The following ENTPD1 variants were observed in gnomAD, a reference collection of about 807,000 sequenced individuals.
ENTPD1 encodes ATP diphosphohydrolase.
ENTPD1 carries 33 observed loss-of-function variants against 57.0 expected under a neutral mutation model. The observed-to-expected ratio is 0.58, with a 90% CI of 0.44 to 0.77. The LOEUF (loss-of-function observed/expected upper bound fraction) is 0.77, where lower values mean the gene tolerates loss of function less well. Among genes scored for constraint, ENTPD1 ranks in the 30% least tolerant of loss-of-function variants. The pLI is 0.00. For synonymous variants in ENTPD1, 202 were observed against 218.8 expected (o/e 0.92, Z 0.68); for missense variants, 501 against 603.4 (o/e 0.83, Z 1.78).
intron 1 of ENTPD1, among the ~76,000 whole-genome samples, chr10:95,765,501 T>A (rs2098085174): frequency 6.6e-6 from 1 of 152,220 alleles, no homozygotes; most frequent in African/African-American, 2.4e-5. Context: ...TTCCCATAAG[T>A]GTGAGCGTTT....
At chr10:95,723,337 C>G (rs376831444) in intron 1 of ENTPD1, among the ~76,000 whole-genome samples, 12 of 152,098 alleles carry the variant, frequency 7.9e-5, no homozygotes, top group African/African-American at 2.4e-4. Context: ...CTTTCTCTCT[C>G]TTTTCTCCTA....
Position 95,875,023 on chromosome 10 carries a change from G to C in ENTPD1, c.*8640G>C, listed in dbSNP as rs986884411. On this transcript the variant is annotated 3_prime_UTR_variant, in exon 10 of 10. Transcript: ENST00000371205. ...CTGGGCCTCTGGGCCTGTGATGGGA[G>C]GGGCTGCCATGAAGGTCTCTGACAT... 6.6e-6 allele frequency: 1 copy of C among 152,214 alleles called. No homozygotes were observed. The highest frequency in any genetic ancestry group is 6.5e-5 in the Admixed American group (1 of 15,284). The allele number at this position is 152,214 out of a possible 1,614,324, so 9.4% of individuals were successfully genotyped here.
chr10:95,806,283 C>T (rs985056776), intron 1 of ENTPD1, among the ~76,000 whole-genome samples: 12 of 152,180 alleles, frequency 7.9e-5, no homozygotes, highest in East Asian at 3.8e-4. Flanking sequence ...TTGATCGAAT[C>T]GGCTAATGAA....
intron 8 of ENTPD1, 95 bp from the exon 9 acceptor site, chr10:95,864,629 C>A (rs2098470856): frequency 6.4e-7 from 1 of 1,558,054 alleles, no homozygotes. Flanking sequence ...GGAGCTGGGG[C>A]TTTCCCCTCT....
Position 95,868,404 on chromosome 10 carries a change from A to C in ENTPD1, c.*2021A>C. 1.0e-6 allele frequency: 1 copy of C among 985,416 alleles called. No homozygotes were observed. Among genetic ancestry groups the C allele is most frequent in the Non-Finnish European group, 1.2e-6 (1 of 829,926 alleles). 61.0% of individuals were successfully genotyped at this position (985,416 alleles called of 1,614,324 possible). A position where few individuals can be genotyped will look rare whatever the true frequency, so the allele number is the denominator to read the frequency against. On this transcript the variant is annotated 3_prime_UTR_variant, in exon 10 of 10. Transcript: ENST00000371205. Reference sequence around the variant, plus strand: ...CATTCTGTTCATGTGCTTTGGATGGAAGCACATCTGGCATATGATGCTAAT... The same window carrying C: ...CATTCTGTTCATGTGCTTTGGATGGCAGCACATCTGGCATATGATGCTAAT...
chr10:95,811,411 C>G (rs1424072771), intron 1 of ENTPD1, among the ~76,000 whole-genome samples: 3 of 152,280 alleles, frequency 2.0e-5, no homozygotes, highest in Non-Finnish European at 4.4e-5. Context: ...TCATCTTTGC[C>G]ACTTTACTCT....
chr10:95,800,473 T>TGG (rs1218372053), intron 1 of ENTPD1, among the ~76,000 whole-genome samples: 2 of 152,150 alleles, frequency 1.3e-5, no homozygotes, highest in African/African-American at 2.4e-5. Flanking sequence ...AAACAGGGTT[T>TGG]GAGAGCAGAC....
chr10:95,847,086 T>C (rs7067762), intron 6 of ENTPD1, among the ~76,000 whole-genome samples: 75,464 of 151,928 alleles, frequency 0.5, 19,256 homozygotes, highest in Admixed American at 0.6. Flanking sequence ...GGAGAACTAC[T>C]CCCAGGCCCA....
At chr10:95,708,541 G>A (rs2097963452), upstream of ENTPD1, among the ~76,000 whole-genome samples, 2 of 152,114 alleles carry the variant, frequency 1.3e-5, no homozygotes, top group Non-Finnish European at 2.9e-5. Flanking sequence ...TAGCTATTCC[G>A]GAGAAATCCA....
rs1013633906 is a variant in ENTPD1, at chr10:95,867,250, AT to A, written c.*869del. On this transcript the variant is annotated 3_prime_UTR_variant, in exon 10 of 10. Transcript: ENST00000371205. ...ATATAATTCACCATTTTAACATTTA[AT>A]TCATATTAAATACGTACAAATCAGT... is the stretch of plus-strand genomic sequence containing the variant. 1 of 975,766 alleles carries A rather than the reference AT, an allele frequency of 1.0e-6. No homozygotes were observed. Among genetic ancestry groups the A allele is most frequent in the Non-Finnish European group, 1.2e-6 (1 of 821,230 alleles). 60.4% of individuals were successfully genotyped at this position (975,766 alleles called of 1,614,324 possible).
chr10:95,876,397 T>C lies in ENTPD1; in HGVS notation c.*10014T>C, dbSNP rs1342530361. On this transcript the variant is annotated 3_prime_UTR_variant, in exon 10 of 10. Transcript: ENST00000371205. ...ACCAATTCTAAGTTTTTCTTGATGGTAAATCATAATGTTCCCTTTCTCCTC... is the reference window on the plus strand; with the variant it reads ...ACCAATTCTAAGTTTTTCTTGATGGCAAATCATAATGTTCCCTTTCTCCTC... The C allele has an allele frequency of 8.9e-6, 11 of 1,231,278 alleles. No homozygotes were observed. Among genetic ancestry groups the C allele is most frequent in the African/African-American group, 3.1e-5 (2 of 64,412 alleles). 76.3% of individuals were successfully genotyped at this position (1,231,278 alleles called of 1,614,324 possible). A position where few individuals can be genotyped will look rare whatever the true frequency, so the allele number is the denominator to read the frequency against.
At chr10:95,790,543 G>A (rs982886564) in intron 1 of ENTPD1, among the ~76,000 whole-genome samples, 2 of 152,258 alleles carry the variant, frequency 1.3e-5, no homozygotes, top group Admixed American at 1.3e-4. Flanking sequence ...AAGATGAAGA[G>A]AGTAATATAA....
intron 1 of ENTPD1, among the ~76,000 whole-genome samples, chr10:95,775,405 G>A (rs2098130325): frequency 6.6e-6 from 1 of 152,180 alleles, no homozygotes; most frequent in Non-Finnish European, 1.5e-5. Context: ...TCTGTCTTGT[G>A]CCAGTTTTCA....
upstream of ENTPD1, among the ~76,000 whole-genome samples, chr10:95,751,972 A>C (rs1490551806): frequency 6.6e-6 from 1 of 152,194 alleles, no homozygotes; most frequent in Non-Finnish European, 1.5e-5. Context: ...GGGAATACCA[A>C]CATTTACAAG....
chr10:95,790,512 T>C (rs2098199316), intron 1 of ENTPD1, among the ~76,000 whole-genome samples: 1 of 152,198 alleles, frequency 6.6e-6, no homozygotes. Flanking sequence ...TTTTTAGTTG[T>C]AGAAAATTTC....
chr10:95,871,388 C>A lies in ENTPD1; in HGVS notation c.*5005C>A. On this transcript the variant is annotated 3_prime_UTR_variant, in exon 10 of 10. Coordinates refer to ENST00000371205, the MANE Select transcript of ENTPD1 (RefSeq NM_001776.6). ...TCTTTCCATAGCCTTAATCAGGATGCTGTGGCAGCTCCCACATTAGCCTCG... is the reference window on the plus strand; with the variant it reads ...TCTTTCCATAGCCTTAATCAGGATGATGTGGCAGCTCCCACATTAGCCTCG... 1.0e-6 allele frequency: 1 copy of A among 985,432 alleles called. No individual in the cohort carries two copies. 61.0% of individuals were successfully genotyped at this position (985,432 alleles called of 1,614,324 possible).
chr10:95,808,887 T>C (rs966003340), intron 1 of ENTPD1, among the ~76,000 whole-genome samples: 2 of 152,184 alleles, frequency 1.3e-5, no homozygotes, highest in Non-Finnish European at 2.9e-5. Flanking sequence ...GCAGTGTTTG[T>C]GTCCTTGGGT....
chr10:95,805,780 G>A (rs550147623), intron 1 of ENTPD1, among the ~76,000 whole-genome samples: 1 of 152,148 alleles, frequency 6.6e-6, no homozygotes, highest in Non-Finnish European at 1.5e-5. Context: ...GAAATTCTAG[G>A]TCGAAAATTC....
the ENTPD1 span, among the ~76,000 whole-genome samples, chr10:95,701,500 A>G: frequency 6.6e-6 from 1 of 152,220 alleles, no homozygotes; most frequent in Non-Finnish European, 1.5e-5. Context: ...AAAGATTTTT[A>G]TCATACCTCT....
Sources: allele counts gnomAD v4.1 joint callset (sites outside exome capture counted in the v4.1 genomes callset), GRCh38; gene constraint gnomAD v4.1.1; transcripts MANE v1.5; gene names NCBI Gene and HGNC (gene_info 2026-07-23, HGNC 2026-07-21).